PRKCE: variants seen among roughly 807,000 people sequenced by gnomAD.
PRKCE encodes the protein protein kinase C epsilon type.
In PRKCE, 16 loss-of-function variants were observed where a neutral mutation model predicts 85.4. That is an observed-to-expected ratio of 0.19 (90% CI 0.13 to 0.28). PRKCE has a LOEUF of 0.28. Ranked by LOEUF, PRKCE falls within the 10% of genes least tolerant of loss-of-function variation. PRKCE has a pLI of 1.00. For missense variants in PRKCE, 573 were observed against 975.2 expected, an observed-to-expected ratio of 0.59 and a Z score of 5.49; for synonymous variants, 388 against 371.5, an observed-to-expected ratio of 1.04 and a Z score of -0.51.
In PRKCE at chr2:46,106,755, G is replaced by T. The variant is rs114105940; in HGVS notation, c.1592+20393G>T. Among the ~76,000 whole-genome samples the T allele has an allele frequency of 7.1e-3, 1,080 of 152,296 alleles. 12 individuals are homozygous for T. Among genetic ancestry groups the T allele is most frequent in the African/African-American group, 0.024 (988 of 41,548 alleles). On this transcript the variant is annotated intron_variant, in intron 11 of 14. Coordinates refer to ENST00000306156, the MANE Select transcript of PRKCE (RefSeq NM_005400.3). ...TAGGACCATCCTGCTGGCCTTATTT[G>T]AATTAAATGACCTCTTTAAAGGCCC...
chr2:45,967,048 C>G (rs575461906), intron 2 of PRKCE, among the ~76,000 whole-genome samples: 5 of 152,194 alleles, frequency 3.3e-5, no homozygotes, highest in African/African-American at 1.2e-4. Flanking sequence ...GTCTGATCTC[C>G]TCAGGGCCAG....
chr2:46,121,396 C>T (rs1461260589), intron 11 of PRKCE, among the ~76,000 whole-genome samples: 3 of 152,190 alleles, frequency 2.0e-5, no homozygotes, highest in Admixed American at 6.5e-5. Context: ...GAGGTGGGCC[C>T]CACCCTGCAC....
intron 11 of PRKCE, among the ~76,000 whole-genome samples, chr2:46,128,751 T>G (rs1267046219): frequency 6.6e-6 from 1 of 152,134 alleles, no homozygotes; most frequent in Non-Finnish European, 1.5e-5. Flanking sequence ...GCCAATGAAG[T>G]GTCATCACTG....
At chr2:45,752,163 C>G (rs893918933) in intron 1 of PRKCE, among the ~76,000 whole-genome samples, 4 of 152,190 alleles carry the variant, frequency 2.6e-5, no homozygotes, top group Admixed American at 2.0e-4. Context: ...CATGGAATAA[C>G]TGATATGTGT....
chr2:45,654,785 T>A (rs1675302301), intron 1 of PRKCE, among the ~76,000 whole-genome samples: 1 of 152,192 alleles, frequency 6.6e-6, no homozygotes, highest in East Asian at 1.9e-4. Context: ...CTGTAGCCAC[T>A]CTGGTTCCTC....
chr2:46,008,666 C>T (rs558352917), intron 9 of PRKCE, among the ~76,000 whole-genome samples: 1 of 152,290 alleles, frequency 6.6e-6, no homozygotes, highest in African/African-American at 2.4e-5. Flanking sequence ...CCTGATACCA[C>T]TCTGGTGGGA....
At chr2:46,077,207 TAATA>T (rs1668638991) in intron 10 of PRKCE, among the ~76,000 whole-genome samples, 1 of 147,574 alleles carries the variant, frequency 6.8e-6, no homozygotes, top group South Asian at 2.1e-4. Context: ...ACACCCAAAA[TAATA>T]ATAATAATAA....
At chr2:45,840,889 C>T (rs927183064) in intron 1 of PRKCE, among the ~76,000 whole-genome samples, 16 of 152,230 alleles carry the variant, frequency 1.1e-4, no homozygotes, top group African/African-American at 3.9e-4. Context: ...CTCATCTTTC[C>T]TCTACCCTTT....
At chr2:45,736,640 G>T (rs1036418171) in intron 1 of PRKCE, among the ~76,000 whole-genome samples, 2 of 152,208 alleles carry the variant, frequency 1.3e-5, no homozygotes, top group East Asian at 3.9e-4. Flanking sequence ...ACCATGTGTT[G>T]TGGTTCGCAG....
Position 45,745,808 on chromosome 2 carries a change from G to A in PRKCE, c.348+93360G>A, listed in dbSNP as rs530009190. 7.2e-5 allele frequency among the ~76,000 whole-genome samples: 11 copies of A among 152,106 alleles called. No individual in the cohort carries two copies. In the East Asian group the frequency reaches 1.7e-3, roughly 24 times the overall value. ...GGTGGGGAAAGCAGACAATATCAGC[G>A]TTCCAGTTTCTGTATTTCAGTTTGT... On this transcript the variant is annotated intron_variant, in intron 1 of 14. Transcript: ENST00000306156.
At chr2:45,724,094 A>G (rs899892268) in intron 1 of PRKCE, among the ~76,000 whole-genome samples, 5 of 152,070 alleles carry the variant, frequency 3.3e-5, no homozygotes, top group Admixed American at 6.5e-5. Flanking sequence ...GTTTTATTGC[A>G]CTTCGCAGAT....
At chr2:45,865,598 G>C (rs2345176) in intron 2 of PRKCE, among the ~76,000 whole-genome samples, 118,528 of 152,130 alleles carry the variant, frequency 0.78, 46,762 homozygotes, top group East Asian at 0.98. Flanking sequence ...AGAGAGACTC[G>C]CTTGTGAATG....
chr2:45,658,537 A>G (rs1675488921), intron 1 of PRKCE, among the ~76,000 whole-genome samples: 1 of 152,210 alleles, frequency 6.6e-6, no homozygotes, highest in Admixed American at 6.5e-5. Context: ...ACCACTCACT[A>G]GTTGTGTGAC....
chr2:46,074,402 GCAAA>G (rs1211797304), intron 10 of PRKCE, among the ~76,000 whole-genome samples: 143 of 72,530 alleles, frequency 2.0e-3, no homozygotes, highest in African/African-American at 6.6e-3. Flanking sequence ...AATTAAGCAA[GCAAA>G]CAAACAAACA....
chr2:45,679,587 A>G lies in PRKCE; in HGVS notation c.348+27139A>G, dbSNP rs529197636. On this transcript the variant is annotated intron_variant, in intron 1 of 14. Transcript: ENST00000306156. ...TCAAGCTCATGGGTGTACAGGTTGT[A>G]ATAGTTATGAAGCCTTTTCAGTAGC... is the stretch of plus-strand genomic sequence containing the variant. Among the ~76,000 whole-genome samples, 4 of 152,274 alleles carry G rather than the reference A, an allele frequency of 2.6e-5. No individual in the cohort carries two copies. In the South Asian group the frequency reaches 6.2e-4, roughly 24 times the overall value.
At chr2:45,900,120 A>G (rs1696466577) in intron 2 of PRKCE, among the ~76,000 whole-genome samples, 1 of 152,132 alleles carries the variant, frequency 6.6e-6, no homozygotes, top group Non-Finnish European at 1.5e-5. Context: ...AGAAAATAAC[A>G]AGCGTTGATG....
chr2:45,718,807 A>T (rs10188104), intron 1 of PRKCE, among the ~76,000 whole-genome samples: 18,370 of 152,250 alleles, frequency 0.12, 1,193 homozygotes, highest in East Asian at 0.16. Context: ...AAATAAATTT[A>T]GTAATTTCAT....
chr2:46,114,890 A>G (rs1311786914), intron 11 of PRKCE, among the ~76,000 whole-genome samples: 2 of 152,196 alleles, frequency 1.3e-5, no homozygotes, highest in Non-Finnish European at 2.9e-5. Flanking sequence ...AAAAGGCAAG[A>G]TTTAGAGAAA....
At chr2:46,027,487 C>A (rs945758774) in intron 10 of PRKCE, among the ~76,000 whole-genome samples, 1 of 152,038 alleles carries the variant, frequency 6.6e-6, no homozygotes, top group Non-Finnish European at 1.5e-5. Context: ...CAAGGTGGGT[C>A]ACAGCTAAAA....
Sources: allele counts gnomAD v4.1 joint callset (sites outside exome capture counted in the v4.1 genomes callset), GRCh38; gene constraint gnomAD v4.1.1; transcripts MANE v1.5; gene names NCBI Gene and HGNC (gene_info 2026-07-23, HGNC 2026-07-21).